YWHAE: variants seen among roughly 807,000 people sequenced by gnomAD.
YWHAE encodes tyrosine 3-monooxygenase/tryptophan 5-monooxygenase activation protein epsilon, also known as 14-3-3 protein epsilon.
In YWHAE, 4 loss-of-function variants were observed where a neutral mutation model predicts 30.1. That is an observed-to-expected ratio of 0.13 (90% CI 0.07 to 0.30). The LOEUF is 0.30. Ranked by LOEUF, YWHAE falls within the 10% of genes least tolerant of loss-of-function variation. The probability of loss-of-function intolerance (pLI) is 1.00; values close to 1 mark genes in which losing one functional copy is unlikely to be tolerated. For synonymous variants in YWHAE, 118 were observed against 111.8 expected, an observed-to-expected ratio of 1.06 and a Z score of -0.35; for missense variants, 121 against 315.9, an observed-to-expected ratio of 0.38 and a Z score of 4.68.
At position 1,380,114 on chromosome 17, in the gene YWHAE, T is replaced by A. The variant is rs966104128; in HGVS notation, c.65-15056A>T. 6.2e-4 allele frequency among the ~76,000 whole-genome samples: 20 copies of A among 32,474 alleles called. 1 individual carries two copies. In the African/African-American group the frequency reaches 8.0e-3, roughly 13 times the overall value. 21.3% of individuals were successfully genotyped at this position (32,474 alleles called of 152,430 possible). On this transcript the variant is annotated intron_variant, in intron 1 of 5. Coordinates refer to ENST00000264335, the MANE Select transcript of YWHAE (RefSeq NM_006761.5). ...AGTTTCAGACTAGAAGACTAGACTT[T>A]TTTTTTTTTTTTTTTTTGAGACGGA...
chr17:1,387,919 C>T (rs2073323693), intron 1 of YWHAE, among the ~76,000 whole-genome samples: 1 of 128,900 alleles, frequency 7.8e-6, no homozygotes, highest in African/African-American at 3.1e-5. Flanking sequence ...AGCCACTGCA[C>T]CTGGCTTTTT....
At chr17:1,388,122 T>TG (rs1567983326) in intron 1 of YWHAE, among the ~76,000 whole-genome samples, 97 of 61,390 alleles carry the variant, frequency 1.6e-3, no homozygotes, top group African/African-American at 4.9e-3. Flanking sequence ...TGGTTGGTTT[T>TG]TTTTTTTTTT....
chr17:1,354,177 A>T, intron 5 of YWHAE, 34 bp downstream of exon 5: 2 of 1,602,470 alleles, frequency 1.2e-6, no homozygotes. Flanking sequence ...CCTGCAACTG[A>T]AAGAGGTGCC....
intron 4 of YWHAE, among the ~76,000 whole-genome samples, chr17:1,358,693 G>T (rs2072802210): frequency 6.6e-6 from 1 of 151,994 alleles, no homozygotes; most frequent in African/African-American, 2.4e-5. Context: ...AGCCAAGCAT[G>T]GTGGCACATG....
At chr17:1,375,272 TAA>T (rs1445528054) in intron 1 of YWHAE, among the ~76,000 whole-genome samples, 20 of 152,086 alleles carry the variant, frequency 1.3e-4, no homozygotes, top group Non-Finnish European at 2.5e-4. Flanking sequence ...CAAAACTATA[TAA>T]GAAAAGCTGA....
At chr17:1,388,584 T>C (rs2073343525) in intron 1 of YWHAE, among the ~76,000 whole-genome samples, 1 of 151,508 alleles carries the variant, frequency 6.6e-6, no homozygotes, top group Admixed American at 6.6e-5. Flanking sequence ...CTTTTTTTTT[T>C]TTTTTTTAAT....
chr17:1,358,998 T>C (rs932937653), intron 4 of YWHAE, among the ~76,000 whole-genome samples: 9 of 151,636 alleles, frequency 5.9e-5, no homozygotes, highest in African/African-American at 2.2e-4. Flanking sequence ...TAGCCAGGCA[T>C]GGTGGCAGGC....
chr17:1,355,087 C>G (rs1254958791), intron 4 of YWHAE, among the ~76,000 whole-genome samples: 1 of 96,922 alleles, frequency 1.0e-5, no homozygotes, highest in East Asian at 3.2e-4. Flanking sequence ...CTGGGACAAA[C>G]GGTACACACT....
In YWHAE at chr17:1,381,867, T is replaced by C. The variant is rs531570670; in HGVS notation, c.65-16809A>G. Among the ~76,000 whole-genome samples, 3 of 131,272 alleles carry C rather than the reference T, an allele frequency of 2.3e-5. No homozygotes were observed. The South Asian group carries it at 7.1e-4, about 31-fold the overall frequency. 86.1% of individuals were successfully genotyped at this position (131,272 alleles called of 152,430 possible). Reference sequence around the variant, plus strand: ...GGTCAAGGCTGCAGTGAGCCCAGACTGGCCCACTGTACTCCAGCCTGCACG... The same window carrying C: ...GGTCAAGGCTGCAGTGAGCCCAGACCGGCCCACTGTACTCCAGCCTGCACG... On this transcript the variant is annotated intron_variant, in intron 1 of 5. Coordinates refer to ENST00000264335, the MANE Select transcript of YWHAE (RefSeq NM_006761.5).
chr17:1,357,304 G>A (rs1354492455), intron 4 of YWHAE, among the ~76,000 whole-genome samples: 1 of 151,508 alleles, frequency 6.6e-6, no homozygotes, highest in African/African-American at 2.4e-5. Flanking sequence ...TCGGGAGGCT[G>A]AGGCAGGAGA....
At chr17:1,378,986 G>T (rs1278884619) in intron 1 of YWHAE, among the ~76,000 whole-genome samples, 1 of 151,100 alleles carries the variant, frequency 6.6e-6, no homozygotes, top group Non-Finnish European at 1.5e-5. Context: ...TGATCCCCAA[G>T]AAAGTTACAA....
chr17:1,387,768 G>A (rs1279927145), intron 1 of YWHAE, among the ~76,000 whole-genome samples: 1 of 151,542 alleles, frequency 6.6e-6, no homozygotes, highest in African/African-American at 2.4e-5. Context: ...GATTACAAGC[G>A]CACGCCACCA....
At chr17:1,382,824 A>AGACCAGCCT (rs1236222350) in intron 1 of YWHAE, among the ~76,000 whole-genome samples, 2 of 152,244 alleles carry the variant, frequency 1.3e-5, no homozygotes, top group Middle Eastern at 3.4e-3. Flanking sequence ...CAGGAGATCG[A>AGACCAGCCT]GACCAGCCTG....
At chr17:1,394,266 C>T (rs2073430716) in intron 1 of YWHAE, among the ~76,000 whole-genome samples, 1 of 151,958 alleles carries the variant, frequency 6.6e-6, no homozygotes, top group East Asian at 1.9e-4. Flanking sequence ...AAATTAAAAA[C>T]TTTTGTCAAC....
intron 1 of YWHAE, among the ~76,000 whole-genome samples, chr17:1,383,876 T>A (rs1463632830): frequency 6.6e-6 from 1 of 151,850 alleles, no homozygotes; most frequent in Non-Finnish European, 1.5e-5. Context: ...GCCTGGGCAA[T>A]ATGGCAAGAC....
intron 4 of YWHAE, among the ~76,000 whole-genome samples, chr17:1,360,751 G>A (rs559314717): frequency 1.3e-5 from 2 of 152,114 alleles, no homozygotes; most frequent in Non-Finnish European, 2.9e-5. Context: ...GGGAGACAGA[G>A]TGAGACATGG....
At chr17:1,349,111 G>A (rs577908580) in intron 5 of YWHAE, among the ~76,000 whole-genome samples, 148 of 151,946 alleles carry the variant, frequency 9.7e-4, no homozygotes, top group Non-Finnish European at 6.2e-4. Context: ...GGGAGGCTGA[G>A]GCAGGTGGAT....
At chr17:1,397,393 T>C (rs1346638218) in intron 1 of YWHAE, among the ~76,000 whole-genome samples, 1 of 152,226 alleles carries the variant, frequency 6.6e-6, no homozygotes. Flanking sequence ...ATATTTCCTG[T>C]GACCCAAAAT....
At position 1,384,457 on chromosome 17, in the gene YWHAE, C is replaced by T. The variant is rs367690302; in HGVS notation, c.64+15590G>A. 1.1e-4 allele frequency among the ~76,000 whole-genome samples: 17 copies of T among 151,726 alleles called. No homozygotes were observed. The East Asian group carries it at 1.6e-3, about 14-fold the overall frequency. ...CTGTAATCCCAGCACTTTGGGAGGC[C>T]AAGGCGGGCAGATCACAACGTCAGG... On this transcript the variant is annotated intron_variant, in intron 1 of 5. Transcript: ENST00000264335.
Sources: gnomAD v4.1 joint callset for allele counts (sites outside exome capture counted in the v4.1 genomes callset) on GRCh38, gnomAD v4.1.1 for gene constraint, MANE v1.5 for transcripts, NCBI Gene and HGNC (gene_info 2026-07-23, HGNC 2026-07-21) for gene names.